Variants in UMAD1 observed in about 807,000 individuals in gnomAD.
UMAD1 encodes UBAP1-MVB12-associated (UMA)-domain containing protein 1.
In UMAD1, 8 loss-of-function variants were observed where a neutral mutation model predicts 6.1. The ratio of observed to expected loss-of-function variants is 1.30; its 90% CI spans 0.76 to 2.35. The LOEUF (loss-of-function observed/expected upper bound fraction) is 2.35. Among genes scored for constraint, UMAD1 ranks in the 30% most tolerant of loss-of-function variants. The pLI, the probability that UMAD1 is intolerant of heterozygous loss-of-function variation, is 0.00. For synonymous variants in UMAD1, 56 were observed against 31.4 expected (o/e 1.78, Z -2.61); for missense variants, 130 against 78.4 (o/e 1.66, Z -2.49).
At chr7:7,671,803 C>G (rs920736000) in intron 1 of UMAD1, among the ~76,000 whole-genome samples, 1 of 152,200 alleles carries the variant, frequency 6.6e-6, no homozygotes, top group Non-Finnish European at 1.5e-5. Flanking sequence ...AAACTGTTTT[C>G]AAACTTTTCT....
chr7:7,691,847 A>C (rs1780179275), intron 2 of UMAD1, among the ~76,000 whole-genome samples: 1 of 152,222 alleles, frequency 6.6e-6, no homozygotes, highest in African/African-American at 2.4e-5. Context: ...GCCAAACAAA[A>C]GTCATGAAGA....
intron 2 of UMAD1, among the ~76,000 whole-genome samples, chr7:7,744,783 T>G (rs1347617321): frequency 6.6e-6 from 1 of 152,184 alleles, no homozygotes; most frequent in Admixed American, 6.5e-5. Context: ...TTTTTATTAT[T>G]GAATTCTAAG....
At chr7:7,652,406 C>T (rs189026577) in intron 1 of UMAD1, among the ~76,000 whole-genome samples, 1 of 152,142 alleles carries the variant, frequency 6.6e-6, no homozygotes, top group East Asian at 1.9e-4. Context: ...TCTTTACATA[C>T]ATTTTGTTGT....
chr7:7,676,500 A>T (rs890503854), intron 2 of UMAD1, among the ~76,000 whole-genome samples: 2 of 152,182 alleles, frequency 1.3e-5, no homozygotes, highest in Non-Finnish European at 2.9e-5. Flanking sequence ...AAGTTATATC[A>T]TCAGTTTTAA....
At chr7:7,796,985 A>T (rs1156303045) in intron 2 of UMAD1, among the ~76,000 whole-genome samples, 1 of 152,102 alleles carries the variant, frequency 6.6e-6, no homozygotes, top group African/African-American at 2.4e-5. Context: ...TCAGTGTATT[A>T]GTCTGTTTAT....
intron 2 of UMAD1, among the ~76,000 whole-genome samples, chr7:7,762,795 T>G (rs1428091128): frequency 1.3e-5 from 2 of 152,206 alleles, no homozygotes; most frequent in African/African-American, 4.8e-5. Context: ...ACTCTTCACT[T>G]TCCTGGGCTG....
At chr7:7,848,456 A>G (rs1266766355) in intron 3 of UMAD1, among the ~76,000 whole-genome samples, 2 of 152,160 alleles carry the variant, frequency 1.3e-5, no homozygotes, top group African/African-American at 4.8e-5. Flanking sequence ...TAAAGTGTTC[A>G]CAGTTTGGTT....
chr7:7,703,288 G>A (rs13234396), intron 2 of UMAD1, among the ~76,000 whole-genome samples: 7,665 of 152,094 alleles, frequency 0.05, 246 homozygotes, highest in Middle Eastern at 0.12. Context: ...CCTGAATTAT[G>A]GAATTCGTGT....
At position 7,835,462 on chromosome 7, in the gene UMAD1, C is replaced by CTTTTTTT. The variant is rs150411259; in HGVS notation, c.156+33751_156+33757dup. 1.0e-3 allele frequency among the ~76,000 whole-genome samples: 34 copies of CTTTTTTT among 33,684 alleles called. 9 individuals carry two copies. The highest frequency in any genetic ancestry group is 1.6e-3 in the East Asian group (2 of 1,270). 22.1% of individuals were successfully genotyped at this position (33,684 alleles called of 152,430 possible). On this transcript the variant is annotated intron_variant, in intron 3 of 3. Coordinates refer to ENST00000682710, the MANE Select transcript of UMAD1 (RefSeq NM_001302348.2). ...CATTCATTCACTCATTGAAACAGCA[C>CTTTTTTT]TTTTTTTTTTTTTTTTTTTTTTTTT... is the stretch of plus-strand genomic sequence containing the variant.
chr7:7,675,072 C>T (rs552305243), intron 2 of UMAD1, among the ~76,000 whole-genome samples: 41 of 151,804 alleles, frequency 2.7e-4, no homozygotes, highest in African/African-American at 9.2e-4. Context: ...GCCATGTTGC[C>T]CAGGTTGGTC....
At chr7:7,647,793 C>T (rs1017358823) in intron 1 of UMAD1, among the ~76,000 whole-genome samples, 7 of 152,058 alleles carry the variant, frequency 4.6e-5, no homozygotes, top group African/African-American at 1.4e-4. Context: ...TTTGTAGAGA[C>T]GGGTTCTTTC....
chr7:7,850,827 G>A (rs1783901460), intron 3 of UMAD1, among the ~76,000 whole-genome samples: 1 of 152,062 alleles, frequency 6.6e-6, no homozygotes, highest in South Asian at 2.1e-4. Flanking sequence ...TTACAAAGGT[G>A]TATTAGTGAT....
intron 2 of UMAD1, among the ~76,000 whole-genome samples, chr7:7,677,678 T>G (rs1188893481): frequency 2.2e-5 from 3 of 138,506 alleles, no homozygotes; most frequent in Admixed American, 7.1e-5. Flanking sequence ...TTTTTTTTTT[T>G]TTTTTTTTTT....
At chr7:7,693,059 T>C (rs1780213478) in intron 2 of UMAD1, among the ~76,000 whole-genome samples, 1 of 152,252 alleles carries the variant, frequency 6.6e-6, no homozygotes, top group African/African-American at 2.4e-5. Context: ...ATTACTTATA[T>C]CTACTTCATT....
intron 2 of UMAD1, among the ~76,000 whole-genome samples, chr7:7,792,335 G>A (rs1782581630): frequency 6.6e-6 from 1 of 152,172 alleles, no homozygotes; most frequent in South Asian, 2.1e-4. Context: ...AGGCTCCTGG[G>A]CAAGCCATGT....
intron 2 of UMAD1, among the ~76,000 whole-genome samples, chr7:7,738,368 A>G (rs781365252): frequency 6.6e-6 from 1 of 152,206 alleles, no homozygotes; most frequent in Non-Finnish European, 1.5e-5. Context: ...AATCATCTCT[A>G]TTTGAGTTGG....
intron 3 of UMAD1, among the ~76,000 whole-genome samples, chr7:7,874,212 G>T (rs1377293347): frequency 3.9e-5 from 6 of 152,086 alleles, no homozygotes; most frequent in Non-Finnish European, 7.4e-5. Flanking sequence ...TACCCTTAAA[G>T]TCTATCCAAA....
chr7:7,649,936 A>G (rs1372480101), intron 1 of UMAD1, among the ~76,000 whole-genome samples: 2 of 152,238 alleles, frequency 1.3e-5, no homozygotes, highest in African/African-American at 4.8e-5. Flanking sequence ...GAAAGTGGGC[A>G]TTCATCAGAC....
At chr7:7,694,332 T>G (rs1272073625) in intron 2 of UMAD1, among the ~76,000 whole-genome samples, 1 of 152,174 alleles carries the variant, frequency 6.6e-6, no homozygotes. Context: ...TCAGGGTAAA[T>G]GGGATATCCA....
Sources: gnomAD v4.1 joint callset for allele counts (sites outside exome capture counted in the v4.1 genomes callset) on GRCh38, gnomAD v4.1.1 for gene constraint, MANE v1.5 for transcripts, NCBI Gene and HGNC (gene_info 2026-07-23, HGNC 2026-07-21) for gene names.